Variants in MELK observed in about 807,000 individuals in gnomAD.
MELK encodes the protein pEg3 kinase.
A neutral mutation model predicts 85.0 loss-of-function variants in MELK; 81 were observed. The ratio of observed to expected loss-of-function variants is 0.95; its 90% CI spans 0.80 to 1.15. The LOEUF (loss-of-function observed/expected upper bound fraction) is 1.15. MELK is among the 50% of genes most tolerant of loss of function. The probability of loss-of-function intolerance (pLI) is 0.00; values close to 1 mark genes in which losing one functional copy is unlikely to be tolerated. For synonymous variants in MELK, 252 were observed against 265.0 expected (o/e 0.95, Z 0.48); for missense variants, 754 against 777.5 (o/e 0.97, Z 0.36).
At chr9:36,644,319 T>C (rs954385295) in intron 11 of MELK, among the ~76,000 whole-genome samples, 1 of 152,074 alleles carries the variant, frequency 6.6e-6, no homozygotes, top group African/African-American at 2.4e-5. Flanking sequence ...ACTTTGTTCC[T>C]GGCCCAGTAC....
At position 36,671,107 on chromosome 9, in the gene MELK, A is replaced by G; in HGVS notation, c.1615A>G (p.Thr539Ala). The G allele has an allele frequency of 6.2e-7, 1 of 1,612,626 alleles. No individual in the cohort carries two copies. The highest frequency in any genetic ancestry group is 8.5e-7 in the Non-Finnish European group (1 of 1,179,320). Reference protein sequence around the residue: ...SLERGLDKVITVLTRSKRKGS... With the variant: ...SLERGLDKVIAVLTRSKRKGS... ...TGAAAGGGGGTTGGATAAGGTTATC[A>G]CTGTGCTCACCAGGAGCAAAAGGAA... Residue 539 changes from threonine (T) to alanine (A), a missense_variant, in exon 16 of 18, where the codon ACT becomes GCT. Thr to Ala is a moderately conservative substitution (Grantham distance 58). Transcript: ENST00000298048.
chr9:36,674,747 G>A, intron 16 of MELK, 87 bp from the exon 17 acceptor site: 1 of 725,528 alleles, frequency 1.4e-6, no homozygotes. Context: ...GTACTATATT[G>A]AGGAGTTTTG....
intron 13 of MELK, among the ~76,000 whole-genome samples, chr9:36,662,523 C>T (rs1041791845): frequency 1.3e-5 from 2 of 152,130 alleles, no homozygotes; most frequent in African/African-American, 4.8e-5. Context: ...GAATTACAGG[C>T]GTGAGCCCCT....
At chr9:36,673,044 C>T (rs1323334762) in intron 16 of MELK, among the ~76,000 whole-genome samples, 2 of 151,918 alleles carry the variant, frequency 1.3e-5, no homozygotes, top group African/African-American at 4.8e-5. Context: ...GAAATAATAC[C>T]TTAGTTTTTT....
intron 4 of MELK, among the ~76,000 whole-genome samples, chr9:36,590,111 C>T (rs1465858295): frequency 6.6e-6 from 1 of 151,814 alleles, no homozygotes; most frequent in African/African-American, 2.4e-5. Flanking sequence ...TTAGTAGAGA[C>T]GGGGTTTCAC....
intron 3 of MELK, 57 bp downstream of exon 3, chr9:36,583,769 A>C: frequency 8.2e-7 from 1 of 1,224,978 alleles, no homozygotes; most frequent in Non-Finnish European, 1.2e-6. Flanking sequence ...CGTGAATTAA[A>C]ACCTGAATTG....
chr9:36,627,892 A>T (rs1280223919), intron 8 of MELK, among the ~76,000 whole-genome samples: 1 of 149,172 alleles, frequency 6.7e-6, no homozygotes, highest in East Asian at 2.0e-4. Flanking sequence ...AGAAACTGAC[A>T]AAGTCTTTTT....
chr9:36,662,914 T>A (rs139299837), intron 13 of MELK, among the ~76,000 whole-genome samples: 5 of 152,328 alleles, frequency 3.3e-5, no homozygotes, highest in African/African-American at 1.2e-4. Flanking sequence ...CTGTGGATAG[T>A]GTCCTCTGGA....
At chr9:36,666,046 C>T (rs1832311276) in intron 14 of MELK, among the ~76,000 whole-genome samples, 1 of 152,156 alleles carries the variant, frequency 6.6e-6, no homozygotes, top group African/African-American at 2.4e-5. Context: ...CCTGTTCTGC[C>T]CTATGGTATT....
intron 8 of MELK, among the ~76,000 whole-genome samples, chr9:36,628,711 TC>T (rs752460681): frequency 2.7e-5 from 4 of 150,410 alleles, no homozygotes; most frequent in Non-Finnish European, 5.9e-5. Flanking sequence ...AGCCACCACA[TC>T]CGGCCAATGA....
chr9:36,671,663 T>C (rs1455460746), intron 16 of MELK, among the ~76,000 whole-genome samples: 1 of 151,958 alleles, frequency 6.6e-6, no homozygotes, highest in Non-Finnish European at 1.5e-5. Flanking sequence ...GTGGATCTTA[T>C]TTAATAGACC....
At chr9:36,657,870 A>C (rs1200711573) in intron 13 of MELK, among the ~76,000 whole-genome samples, 1 of 152,242 alleles carries the variant, frequency 6.6e-6, no homozygotes, top group Non-Finnish European at 1.5e-5. Flanking sequence ...GGCGTGAGCC[A>C]CTGTGCCCGG....
In MELK at chr9:36,599,448, C is replaced by A; in HGVS notation, c.529C>A (p.Pro177Thr). The change falls in exon 7 of 18, where the codon CCT (proline) becomes ACT (threonine). Residue 177 changes from proline (P) to threonine (T), a missense_variant. Transcript: ENST00000298048. ...CTGTGGGAGTCTGGCTTATGCAGCA[C>A]CTGAGTTAATACAAGGCAAATCATA... ...TCCGSLAYAA[P>T]ELIQGKSYLG... 1 of 1,613,490 alleles carries A rather than the reference C, an allele frequency of 6.2e-7. No individual in the cohort carries two copies. The highest frequency in any genetic ancestry group is 1.1e-5 in the South Asian group (1 of 91,074).
In MELK at chr9:36,584,028, C is replaced by T. The variant is rs527251706; in HGVS notation, c.144+316C>T. 2.6e-5 allele frequency among the ~76,000 whole-genome samples: 4 copies of T among 151,878 alleles called. No homozygotes were observed. The East Asian group carries it at 5.8e-4, about 22-fold the overall frequency. On this transcript the variant is annotated intron_variant, in intron 3 of 17. Coordinates refer to ENST00000298048, the MANE Select transcript of MELK (RefSeq NM_014791.4). ...TATTATTTTTTATTTTTTTTTGAGA[C>T]GGAGTCTCGCTCTGTCGCCCAGGCT...
intron 8 of MELK, among the ~76,000 whole-genome samples, chr9:36,627,446 C>G (rs1383818677): frequency 6.6e-6 from 1 of 151,416 alleles, no homozygotes; most frequent in Non-Finnish European, 1.5e-5. Flanking sequence ...TTACAAATGA[C>G]TTTTAATATT....
intron 13 of MELK, among the ~76,000 whole-genome samples, chr9:36,660,560 G>T (rs1273653750): frequency 2.0e-5 from 3 of 151,984 alleles, no homozygotes; most frequent in Admixed American, 6.5e-5. Context: ...GGACTCAAGA[G>T]ATCCACCCGC....
intron 1 of MELK, 132 bp from the exon 2 acceptor site, chr9:36,581,512 T>G: frequency 1.9e-6 from 1 of 520,740 alleles, no homozygotes; most frequent in Non-Finnish European, 3.4e-6. Flanking sequence ...AATCCTTTTT[T>G]TCATATGGCC....
chr9:36,626,239 G>A (rs1052581640), intron 8 of MELK, among the ~76,000 whole-genome samples: 3 of 152,052 alleles, frequency 2.0e-5, no homozygotes, highest in Non-Finnish European at 2.9e-5. Flanking sequence ...ACAAGATAAC[G>A]AAGGAATTCT....
intron 1 of MELK, among the ~76,000 whole-genome samples, chr9:36,574,308 G>A (rs530161294): frequency 1.3e-5 from 2 of 152,058 alleles, no homozygotes; most frequent in South Asian, 2.1e-4. Flanking sequence ...TTCTGAGCCC[G>A]GCGTGGTGGC....
Sources: gnomAD v4.1 joint callset for allele counts (sites outside exome capture counted in the v4.1 genomes callset) on GRCh38, gnomAD v4.1.1 for gene constraint, MANE v1.5 for transcripts, NCBI Gene and HGNC (gene_info 2026-07-23, HGNC 2026-07-21) for gene names.